Variants in DACH2 observed in about 807,000 individuals in gnomAD.
DACH2 encodes the protein dachshund homolog 2.
Under a neutral mutation model 35.8 loss-of-function variants are expected in DACH2, and 17 were observed. The observed-to-expected ratio is 0.48, with a 90% CI of 0.33 to 0.71. The LOEUF (loss-of-function observed/expected upper bound fraction) is 0.71. Among genes scored for constraint, DACH2 ranks in the 30% least tolerant of loss-of-function variants. The probability of loss-of-function intolerance (pLI) is 0.02; values close to 1 mark genes in which losing one functional copy is unlikely to be tolerated. For synonymous variants in DACH2, 195 were observed against 177.3 expected, an observed-to-expected ratio of 1.10 and a Z score of -0.79; for missense variants, 469 against 472.7, an observed-to-expected ratio of 0.99 and a Z score of 0.07.
At chrX:86,326,477 A>C (rs774703421) in intron 1 of DACH2, among the ~76,000 whole-genome samples, 1 of 94,340 alleles carries the variant, frequency 1.1e-5, no homozygotes, top group Admixed American at 1.2e-4. Context: ...TAAAAGTTAA[A>C]AAATTATACA....
At chrX:86,482,307 C>T in intron 2 of DACH2, among the ~76,000 whole-genome samples, 1 of 112,090 alleles carries the variant, frequency 8.9e-6, no homozygotes, top group Middle Eastern at 4.6e-3. Context: ...AAAATTGTTG[C>T]ATCTTCTTAT....
At chrX:86,707,668 G>A (rs1389167415) in intron 5 of DACH2, among the ~76,000 whole-genome samples, 1 of 110,134 alleles carries the variant, frequency 9.1e-6, no homozygotes, top group East Asian at 2.9e-4. Flanking sequence ...TGTAATCCCA[G>A]CATTTTGAGA....
intron 3 of DACH2, among the ~76,000 whole-genome samples, chrX:86,581,791 G>A (rs529101079): frequency 2.7e-5 from 3 of 111,285 alleles, no homozygotes; most frequent in Non-Finnish European, 3.8e-5. Flanking sequence ...AATTTTGAGC[G>A]GGAGACTTTA....
At chrX:86,764,170 A>G (rs2041910203) in intron 7 of DACH2, among the ~76,000 whole-genome samples, 1 of 112,536 alleles carries the variant, frequency 8.9e-6, no homozygotes, top group Admixed American at 9.4e-5. Flanking sequence ...CAATGTATCC[A>G]TACAACATCA....
intron 1 of DACH2, among the ~76,000 whole-genome samples, chrX:86,274,486 C>CTTTTTTTT (rs1569324707): frequency 8.2e-5 from 1 of 12,176 alleles, no homozygotes; most frequent in African/African-American, 5.9e-4. Flanking sequence ...GAGACGGAGT[C>CTTTTTTTT]TTTCTGTTTT....
intron 7 of DACH2, among the ~76,000 whole-genome samples, chrX:86,790,717 A>C (rs2042179260): frequency 9.0e-6 from 1 of 110,851 alleles, no homozygotes; most frequent in Non-Finnish European, 1.9e-5. Flanking sequence ...GGATAATTTA[A>C]AAAATGTAGA....
Position 86,679,388 on chromosome X carries a change from C to T in DACH2, c.773-15633C>T, listed in dbSNP as rs1342320029. On this transcript the variant is annotated intron_variant, in intron 4 of 11. Coordinates refer to ENST00000373125, the MANE Select transcript of DACH2 (RefSeq NM_053281.3). The stretch of plus-strand genomic sequence containing the variant: ...TTTTTACTTTGAGCTCGGATGTGTG[C>T]TGTTTTCTGTTCTACAAAGTTCTAA... 3.6e-5 allele frequency among the ~76,000 whole-genome samples: 4 copies of T among 111,746 alleles called. No homozygotes were observed. The Admixed American group carries it at 3.8e-4, about 11-fold the overall frequency.
intron 5 of DACH2, among the ~76,000 whole-genome samples, chrX:86,711,674 A>G (rs954261340): frequency 6.2e-5 from 7 of 112,002 alleles, no homozygotes; most frequent in African/African-American, 9.7e-5. Context: ...TATGCTTTGC[A>G]TGGAGAACTC....
chrX:86,224,190 G>A (rs2032773024), intron 1 of DACH2, among the ~76,000 whole-genome samples: 1 of 111,216 alleles, frequency 9.0e-6, no homozygotes, highest in Non-Finnish European at 1.9e-5. Flanking sequence ...CTGAAAATGG[G>A]AGGAGATATG....
intron 2 of DACH2, among the ~76,000 whole-genome samples, chrX:86,399,439 T>G (rs999050444): frequency 9.0e-6 from 1 of 111,726 alleles, no homozygotes; most frequent in East Asian, 2.8e-4. Context: ...GTTAACTGGT[T>G]ATTTTGCTCG....
chrX:86,813,313 A>G (rs752585538), intron 9 of DACH2, 36 bp downstream of exon 9: 7 of 1,131,004 alleles, frequency 6.2e-6, no homozygotes, highest in Non-Finnish European at 8.3e-6. Context: ...AGTGAATATT[A>G]TGTTGGGGGT....
chrX:86,396,150 A>G (rs2036285750), intron 2 of DACH2, among the ~76,000 whole-genome samples: 1 of 111,483 alleles, frequency 9.0e-6, no homozygotes, highest in Non-Finnish European at 1.9e-5. Flanking sequence ...GATGATGAGG[A>G]TTTTTTCATG....
intron 11 of DACH2, among the ~76,000 whole-genome samples, chrX:86,816,636 C>T (rs1457712716): frequency 9.0e-6 from 1 of 111,703 alleles, no homozygotes; most frequent in Non-Finnish European, 1.9e-5. Context: ...TCGTGATTTA[C>T]ATGATTATCA....
intron 3 of DACH2, among the ~76,000 whole-genome samples, chrX:86,552,426 T>C (rs28681486): frequency 0.19 from 21,128 of 111,322 alleles, 1,540 homozygotes; most frequent in East Asian, 0.28. Flanking sequence ...TTTACTTATA[T>C]GTTTCTATTC....
Position 86,566,024 on chromosome X carries a change from T to C in DACH2, c.640+51633T>C, listed in dbSNP as rs183300272. ...TTTCTCTTTTTAAAAAACTCACAACTTTTAGCTAACACTGTGTGTTAAATG... is the reference window on the plus strand; with the variant it reads ...TTTCTCTTTTTAAAAAACTCACAACCTTTAGCTAACACTGTGTGTTAAATG... On this transcript the variant is annotated intron_variant, in intron 3 of 11. Transcript: ENST00000373125. Among the ~76,000 whole-genome samples the C allele has an allele frequency of 7.7e-3, 862 of 112,037 alleles. 11 individuals carry two copies. The highest frequency in any genetic ancestry group is 0.027 in the African/African-American group (825 of 31,025).
chrX:86,161,223 TC>T (rs2030743915), intron 1 of DACH2: 1 of 1,187,077 alleles, frequency 8.4e-7, no homozygotes, highest in African/African-American at 1.7e-5. Flanking sequence ...TTGTTTCACA[TC>T]CAGTGTGTAA....
chrX:86,482,108 A>G (rs1052102240), intron 2 of DACH2, among the ~76,000 whole-genome samples: 1 of 111,664 alleles, frequency 9.0e-6, no homozygotes, highest in Non-Finnish European at 1.9e-5. Flanking sequence ...TACAGTTAAG[A>G]ACAGAGTATT....
intron 4 of DACH2, among the ~76,000 whole-genome samples, chrX:86,671,850 G>C (rs778359924): frequency 9.0e-6 from 1 of 111,601 alleles, no homozygotes; most frequent in African/African-American, 3.3e-5. Context: ...ACAGTTGCGA[G>C]GGCTCAGAAG....
chrX:86,575,220 A>G lies in DACH2; in HGVS notation c.640+60829A>G, dbSNP rs940234770. ...GATGCCAACTTTAAACTCTTTCTATAGTAGATTTGGCACTTGAGAGCAATC... is the reference window on the plus strand; with the variant it reads ...GATGCCAACTTTAAACTCTTTCTATGGTAGATTTGGCACTTGAGAGCAATC... On this transcript the variant is annotated intron_variant, in intron 3 of 11. Coordinates refer to ENST00000373125, the MANE Select transcript of DACH2 (RefSeq NM_053281.3). Among the ~76,000 whole-genome samples, 3 of 111,269 alleles carry G rather than the reference A, an allele frequency of 2.7e-5. No homozygotes were observed. The South Asian group carries it at 1.1e-3, about 42-fold the overall frequency.
Sources: gnomAD v4.1 joint callset for allele counts (sites outside exome capture counted in the v4.1 genomes callset) on GRCh38, gnomAD v4.1.1 for gene constraint, MANE v1.5 for transcripts, NCBI Gene and HGNC (gene_info 2026-07-23, HGNC 2026-07-21) for gene names.